Variants in POMGNT2 observed in about 807,000 individuals in gnomAD.
The protein encoded by POMGNT2 is protein O-linked mannose N-acetylglucosaminyltransferase 2 (beta 1,4-), also known as protein O-linked-mannose beta-1,4-N-acetylglucosaminyltransferase 2.
Under a neutral mutation model 37.8 loss-of-function variants are expected in POMGNT2, and 32 were observed. The ratio of observed to expected loss-of-function variants is 0.85; its 90% CI spans 0.64 to 1.14. The LOEUF (loss-of-function observed/expected upper bound fraction) is 1.14, where lower values mean the gene tolerates loss of function less well. POMGNT2 is among the 50% of genes most tolerant of loss of function. The probability of loss-of-function intolerance (pLI) is 0.00; values close to 1 mark genes in which losing one functional copy is unlikely to be tolerated. For synonymous variants in POMGNT2, 340 were observed against 336.8 expected (o/e 1.01, Z -0.10); for missense variants, 705 against 780.6 (o/e 0.90, Z 1.15).
chr3:43,091,047 T>C (rs1208013079), intron 1 of POMGNT2, among the ~76,000 whole-genome samples: 1 of 152,142 alleles, frequency 6.6e-6, no homozygotes, highest in Non-Finnish European at 1.5e-5. Context: ...AAGGAAATGG[T>C]TGGAATTATA....
intron 1 of POMGNT2, among the ~76,000 whole-genome samples, chr3:43,099,069 T>C (rs559804639): frequency 1.9e-4 from 29 of 151,980 alleles, no homozygotes; most frequent in Non-Finnish European, 3.7e-4. Flanking sequence ...GGAACCTCTG[T>C]TGTGTGGCTC....
chr3:43,081,392 C>A lies in POMGNT2; in HGVS notation c.40G>T (p.Val14Leu). Residue 14 changes from valine (V) to leucine (L), a missense_variant, in exon 2 of 2, where the codon GTG becomes TTG. By Grantham distance (32) the Val-to-Leu change is conservative. Transcript: ENST00000344697. ...SAVFNALLVSVLAAVLWKHVR... is the reference protein window; with the variant it reads ...SAVFNALLVSLLAAVLWKHVR... ...TGCTTCCACAGGACCGCTGCCAGCA[C>A]CGACACCAGGAGGGCGTTGAACACC... The A allele has an allele frequency of 6.2e-7, 1 of 1,600,880 alleles. No individual in the cohort carries two copies. Among genetic ancestry groups the A allele is most frequent in the South Asian group, 1.1e-5 (1 of 89,186 alleles).
At chr3:43,103,196 G>C (rs1223414924) in intron 1 of POMGNT2, among the ~76,000 whole-genome samples, 5 of 152,130 alleles carry the variant, frequency 3.3e-5, no homozygotes, top group Non-Finnish European at 7.4e-5. Flanking sequence ...TTTCATAAAA[G>C]AGGTCTGGAG....
intron 1 of POMGNT2, among the ~76,000 whole-genome samples, chr3:43,099,647 C>T (rs1422385798): frequency 2.0e-5 from 3 of 152,118 alleles, no homozygotes; most frequent in African/African-American, 7.2e-5. Context: ...TGCCAGGAGA[C>T]CTGGGTTTCA....
chr3:43,079,862 C>G lies in POMGNT2; in HGVS notation c.1570G>C (p.Val524Leu). 1 of 1,614,202 alleles carries G rather than the reference C, an allele frequency of 6.2e-7. No individual in the cohort carries two copies. Among genetic ancestry groups the G allele is most frequent in the Non-Finnish European group, 8.5e-7 (1 of 1,180,018 alleles). Residue 524 changes from valine to leucine, a missense_variant, in exon 2 of 2, where the codon GTG becomes CTG. By Grantham distance (32) the Val-to-Leu change is conservative (BLOSUM62 1). Coordinates refer to ENST00000344697, the MANE Select transcript of POMGNT2 (RefSeq NM_032806.6). ...TTCTCCCCCTGCTCCTGCAGCCACA[C>G]CTCGTACTTCACCTCCCTCACCTTC... ...YLKVREVKYE[V>L]WLQEQGENTY...
chr3:43,096,002 T>G (rs2125709625), intron 1 of POMGNT2, among the ~76,000 whole-genome samples: 1 of 152,270 alleles, frequency 6.6e-6, no homozygotes, highest in South Asian at 2.1e-4. Flanking sequence ...GAGTGAATGC[T>G]GGGTGGATGT....
In POMGNT2 at chr3:43,080,932, A is replaced by G. The variant is rs1245060224; in HGVS notation, c.500T>C (p.Val167Ala). Residue 167 changes from valine to alanine, a missense_variant, in exon 2 of 2, where the codon GTC (valine) becomes GCC (alanine). Physicochemically the swap from Val to Ala is moderately conservative, Grantham distance 64 (BLOSUM62 0). Coordinates refer to ENST00000344697, the MANE Select transcript of POMGNT2 (RefSeq NM_032806.6). ...NRFNPDNLMH[V>A]FHDDLLPLFY... Reference sequence around the variant, plus strand: ...GAGTGGCAGCAGGTCGTCATGAAAGACGTGCATGAGGTTGTCGGGGTTGAA... The same window carrying G: ...GAGTGGCAGCAGGTCGTCATGAAAGGCGTGCATGAGGTTGTCGGGGTTGAA... 6.2e-7 allele frequency: 1 copy of G among 1,614,142 alleles called. No individual in the cohort carries two copies. Among genetic ancestry groups the G allele is most frequent in the South Asian group, 1.1e-5 (1 of 91,086 alleles).
rs573639101 is a variant in POMGNT2 at position 43,081,546 on chromosome 3, G to T, written c.-105-10C>A. ...GAGAACTGGTGAAAGCCTGCAGGAG[G>T]AGAGAAGGAAAAGAAAAAGGAATTG... On this transcript the variant is annotated splice_polypyrimidine_tract_variant and intron_variant, in intron 1 of 1. Coordinates refer to ENST00000344697, the MANE Select transcript of POMGNT2 (RefSeq NM_032806.6). 3 of 915,570 alleles carry T rather than the reference G, an allele frequency of 3.3e-6. No homozygotes were observed. Among genetic ancestry groups the T allele is most frequent in the Non-Finnish European group, 4.8e-6 (3 of 622,496 alleles). 56.7% of individuals were successfully genotyped at this position (915,570 alleles called of 1,614,324 possible).
intron 1 of POMGNT2, among the ~76,000 whole-genome samples, chr3:43,096,659 C>T (rs1230635107): frequency 6.6e-6 from 1 of 152,218 alleles, no homozygotes; most frequent in Non-Finnish European, 1.5e-5. Flanking sequence ...TTATCTGCCT[C>T]TGCCTCCTCT....
At chr3:43,087,597 T>C (rs1220919192) in intron 1 of POMGNT2, 2 of 152,390 alleles carry the variant, frequency 1.3e-5, no homozygotes, top group East Asian at 1.9e-4. Flanking sequence ...CAGTCTGATA[T>C]GGATGAGCTG....
intron 1 of POMGNT2, among the ~76,000 whole-genome samples, chr3:43,093,454 C>A (rs921685409): frequency 1.3e-5 from 2 of 152,216 alleles, no homozygotes; most frequent in African/African-American, 4.8e-5. Flanking sequence ...GACAGACTGG[C>A]CTGCATGGAC....
chr3:43,084,896 A>T (rs751936703), intron 1 of POMGNT2, among the ~76,000 whole-genome samples: 2 of 151,902 alleles, frequency 1.3e-5, no homozygotes, highest in Non-Finnish European at 2.9e-5. Context: ...TTTTGCTAAA[A>T]CTTATCCTGG....
At chr3:43,083,977 A>T (rs544987963) in intron 1 of POMGNT2, among the ~76,000 whole-genome samples, 16 of 152,288 alleles carry the variant, frequency 1.1e-4, no homozygotes, top group African/African-American at 3.9e-4. Flanking sequence ...TTCCTAAAGG[A>T]TATTTTCACT....
At chr3:43,101,428 A>G (rs1300579737) in intron 1 of POMGNT2, among the ~76,000 whole-genome samples, 3 of 152,210 alleles carry the variant, frequency 2.0e-5, no homozygotes, top group African/African-American at 7.2e-5. Flanking sequence ...ACTACTCCAC[A>G]GCGGGGATAG....
intron 1 of POMGNT2, among the ~76,000 whole-genome samples, chr3:43,092,011 C>T (rs1030941118): frequency 6.6e-6 from 1 of 152,150 alleles, no homozygotes; most frequent in Non-Finnish European, 1.5e-5. Flanking sequence ...TCGGAGGAGA[C>T]TAAAGAGACA....
rs2089827433 is a variant in POMGNT2 at position 43,079,644 on chromosome 3, G to A, written c.*45C>T. 4.5e-6 allele frequency: 7 copies of A among 1,559,974 alleles called. No individual in the cohort carries two copies. Among genetic ancestry groups the A allele is most frequent in the African/African-American group, 1.4e-5 (1 of 73,702 alleles). On this transcript the variant is annotated 3_prime_UTR_variant, in exon 2 of 2. Coordinates refer to ENST00000344697, the MANE Select transcript of POMGNT2 (RefSeq NM_032806.6). Reference sequence around the variant, plus strand: ...TGGGATTAATGGGCCCAGGGACGCTGAACTGCAGGAGCCACCTTCCCGAGG... The same window carrying A: ...TGGGATTAATGGGCCCAGGGACGCTAAACTGCAGGAGCCACCTTCCCGAGG...
chr3:43,103,245 G>T (rs1041806741), intron 1 of POMGNT2, among the ~76,000 whole-genome samples: 1 of 152,140 alleles, frequency 6.6e-6, no homozygotes, highest in Non-Finnish European at 1.5e-5. Context: ...GGATTAAAAT[G>T]GCAGAATGTT....
chr3:43,101,909 G>A (rs1362192791), intron 1 of POMGNT2, among the ~76,000 whole-genome samples: 1 of 151,982 alleles, frequency 6.6e-6, no homozygotes, highest in Non-Finnish European at 1.5e-5. Flanking sequence ...ACCATTTGTG[G>A]TGTGGGAGTG....
intron 1 of POMGNT2, among the ~76,000 whole-genome samples, chr3:43,089,232 G>A (rs1341827523): frequency 2.0e-5 from 3 of 152,222 alleles, no homozygotes; most frequent in Non-Finnish European, 4.4e-5. Context: ...GAGCCCTGCA[G>A]GCAGGAAGTA....
Sources: allele counts gnomAD v4.1 joint callset (sites outside exome capture counted in the v4.1 genomes callset), GRCh38; gene constraint gnomAD v4.1.1; transcripts MANE v1.5; gene names NCBI Gene and HGNC (gene_info 2026-07-23, HGNC 2026-07-21).